The following CCDC178 variants were observed in gnomAD, a reference collection of about 807,000 sequenced individuals.
CCDC178 encodes coiled-coil domain containing 178, also known as coiled-coil domain-containing protein 178.
A neutral mutation model predicts 117.4 loss-of-function variants in CCDC178; 126 were observed. The ratio of observed to expected loss-of-function variants is 1.07; its 90% confidence interval spans 0.93 to 1.24. CCDC178 has a LOEUF of 1.24. CCDC178 is among the 50% of genes most tolerant of loss of function. The probability of loss-of-function intolerance (pLI) is 0.00; values close to 1 mark genes in which losing one functional copy is unlikely to be tolerated. For synonymous variants in CCDC178, 283 were observed against 313.4 expected (o/e 0.90, Z 1.02); for missense variants, 1,030 against 986.9 (o/e 1.04, Z -0.59).
chr18:33,174,567 AGG>A (rs2058641271), intron 20 of CCDC178, among the ~76,000 whole-genome samples: 1 of 152,206 alleles, frequency 6.6e-6, no homozygotes, highest in Non-Finnish European at 1.5e-5. Context: ...GACCAAAGAT[AGG>A]TCATCACATG....
At chr18:33,306,255 G>T (rs553954841) in intron 11 of CCDC178, among the ~76,000 whole-genome samples, 1 of 152,080 alleles carries the variant, frequency 6.6e-6, no homozygotes, top group African/African-American at 2.4e-5. Flanking sequence ...TTGGTCCACA[G>T]CCTTCCTTGG....
intron 20 of CCDC178, among the ~76,000 whole-genome samples, chr18:33,171,339 C>A (rs984610821): frequency 3.3e-5 from 5 of 152,158 alleles, no homozygotes; most frequent in Non-Finnish European, 5.9e-5. Flanking sequence ...TTACACCTGA[C>A]AAAAATTTCT....
chr18:33,196,667 G>A (rs1242728692), intron 20 of CCDC178, among the ~76,000 whole-genome samples: 1 of 152,060 alleles, frequency 6.6e-6, no homozygotes, highest in African/African-American at 2.4e-5. Flanking sequence ...GACGACAAAA[G>A]CTGAGCATAC....
At chr18:32,940,499 AT>A (rs2054213171) in intron 22 of CCDC178, among the ~76,000 whole-genome samples, 1 of 151,924 alleles carries the variant, frequency 6.6e-6, no homozygotes, top group South Asian at 2.1e-4. Flanking sequence ...TATTATTATT[AT>A]TTTTTAACTT....
At chr18:33,181,379 C>T (rs183993033) in intron 20 of CCDC178, among the ~76,000 whole-genome samples, 2 of 151,800 alleles carry the variant, frequency 1.3e-5, no homozygotes, top group Admixed American at 1.3e-4. Context: ...AAAAGGGCCC[C>T]CTAAAACTAT....
At chr18:33,322,376 G>T (rs1214131886) in intron 11 of CCDC178, among the ~76,000 whole-genome samples, 3 of 151,782 alleles carry the variant, frequency 2.0e-5, no homozygotes, top group African/African-American at 7.2e-5. Flanking sequence ...TAACCTCCAT[G>T]CTTAGTAAAC....
intron 14 of CCDC178, among the ~76,000 whole-genome samples, chr18:33,261,713 A>T (rs2059753340): frequency 6.6e-6 from 1 of 152,140 alleles, no homozygotes; most frequent in South Asian, 2.1e-4. Context: ...TAGTCATTTT[A>T]AAATTACCTT....
At chr18:33,014,120 T>C (rs1325831643) in intron 21 of CCDC178, among the ~76,000 whole-genome samples, 3 of 152,186 alleles carry the variant, frequency 2.0e-5, no homozygotes, top group Admixed American at 2.0e-4. Flanking sequence ...CTTCAACTCC[T>C]CGTAAACCTG....
In CCDC178 at chr18:33,092,826, CCTTTT is replaced by C. The variant is rs774555089; in HGVS notation, c.2318_2322del (p.Glu773GlyfsTer8). The C allele has an allele frequency of 5.1e-6, 8 of 1,566,658 alleles. No individual in the cohort carries two copies. The highest frequency in any genetic ancestry group is 2.3e-5 in the East Asian group (1 of 44,176). On this transcript the variant is annotated frameshift_variant, in exon 21 of 23. Coordinates refer to ENST00000383096, the MANE Select transcript of CCDC178 (RefSeq NM_001105528.4). LOFTEE classifies it high-confidence loss of function. ...TTATCATATATATTGAAATAATTGT[CCTTTT>C]CTTTTAAGAATGTAATCTGTAGCTG... is the stretch of plus-strand genomic sequence containing the variant.
chr18:33,141,664 C>T (rs553593339), intron 20 of CCDC178, among the ~76,000 whole-genome samples: 1 of 152,262 alleles, frequency 6.6e-6, no homozygotes, highest in South Asian at 2.1e-4. Flanking sequence ...AGGAAAGTTC[C>T]TCTGGGGAAG....
chr18:33,058,537 G>A (rs1045132194), intron 21 of CCDC178, among the ~76,000 whole-genome samples: 2 of 152,110 alleles, frequency 1.3e-5, no homozygotes, highest in African/African-American at 4.8e-5. Context: ...TCTTCAGAAT[G>A]GAAATGGGAA....
intron 15 of CCDC178, among the ~76,000 whole-genome samples, chr18:33,236,895 C>T (rs1251746463): frequency 7.9e-5 from 12 of 152,130 alleles, no homozygotes; most frequent in Non-Finnish European, 5.9e-5. Context: ...AGAGGAACCT[C>T]ATCAGCCCCC....
At chr18:33,105,251 T>C (rs2057688896) in intron 20 of CCDC178, among the ~76,000 whole-genome samples, 1 of 151,738 alleles carries the variant, frequency 6.6e-6, no homozygotes, top group Non-Finnish European at 1.5e-5. Context: ...TAGTACTTTT[T>C]ACATGACACT....
intron 21 of CCDC178, among the ~76,000 whole-genome samples, chr18:33,002,036 G>A (rs977432046): frequency 6.6e-6 from 1 of 152,108 alleles, no homozygotes; most frequent in Non-Finnish European, 1.5e-5. Context: ...AAAGCAAATA[G>A]TATGAGAGCT....
intron 20 of CCDC178, among the ~76,000 whole-genome samples, chr18:33,179,059 T>TAAAAA (rs757037955): frequency 0.013 from 199 of 14,754 alleles, 30 homozygotes; most frequent in Non-Finnish European, 0.015. Context: ...AAGCACTCAG[T>TAAAAA]AAAAAAAAAA....
chr18:33,223,440 G>A (rs945342055), intron 17 of CCDC178, among the ~76,000 whole-genome samples: 2 of 151,972 alleles, frequency 1.3e-5, no homozygotes, highest in South Asian at 4.1e-4. Context: ...ATGAATTTTA[G>A]TTAAGTAACA....
chr18:33,269,350 T>C (rs2059858775), intron 12 of CCDC178, among the ~76,000 whole-genome samples: 1 of 151,816 alleles, frequency 6.6e-6, no homozygotes, highest in Non-Finnish European at 1.5e-5. Context: ...ACATAACTCC[T>C]GGGAATCTAG....
chr18:33,325,799 A>C (rs1327651996), intron 10 of CCDC178, among the ~76,000 whole-genome samples: 1 of 152,108 alleles, frequency 6.6e-6, no homozygotes, highest in East Asian at 1.9e-4. Flanking sequence ...GCATCTTTTG[A>C]AATTTATCCT....
intron 15 of CCDC178, among the ~76,000 whole-genome samples, chr18:33,229,339 T>C (rs899676875): frequency 3.9e-5 from 6 of 152,226 alleles, no homozygotes; most frequent in African/African-American, 1.4e-4. Context: ...GCAAAGTGAC[T>C]GAGATGATTC....
Sources: gnomAD v4.1 joint callset for allele counts (sites outside exome capture counted in the v4.1 genomes callset) on GRCh38, gnomAD v4.1.1 for gene constraint, MANE v1.5 for transcripts, NCBI Gene and HGNC (gene_info 2026-07-23, HGNC 2026-07-21) for gene names.